The following CDHR2 variants were observed in gnomAD, a reference collection of about 807,000 sequenced individuals.
CDHR2 encodes the protein cadherin related family member 2.
CDHR2 carries 104 observed loss-of-function variants against 138.6 expected under a neutral mutation model. That is an observed-to-expected ratio of 0.75 (90% confidence interval 0.64 to 0.88). CDHR2 has a LOEUF of 0.88. Ranked by LOEUF, CDHR2 falls within the 40% of genes least tolerant of loss-of-function variation. The probability of loss-of-function intolerance (pLI) is 0.00; values close to 1 mark genes in which losing one functional copy is unlikely to be tolerated. For synonymous variants in CDHR2, 755 were observed against 742.8 expected (o/e 1.02, Z -0.27); for missense variants, 1,624 against 1,727.6 (o/e 0.94, Z 1.06).
chr5:176,555,918 C>A (rs1300003704), intron 1 of CDHR2, among the ~76,000 whole-genome samples: 3 of 149,666 alleles, frequency 2.0e-5, no homozygotes, highest in African/African-American at 7.7e-5. Context: ...ACAAAAAAAA[C>A]CCCCTCTGAA....
chr5:176,592,872 A>T, intron 31 of CDHR2, 92 bp downstream of exon 31: 1 of 1,122,384 alleles, frequency 8.9e-7, no homozygotes, highest in South Asian at 1.2e-5. Flanking sequence ...TGCTACTGAC[A>T]TGGGCAGTTC....
intron 13 of CDHR2, 25 bp downstream of exon 13, chr5:176,577,579 G>A: frequency 1.9e-6 from 3 of 1,613,712 alleles, no homozygotes; most frequent in Non-Finnish European, 2.5e-6. Context: ...GGGGTGCCAG[G>A]GGCAGAAGCC....
Position 176,584,532 on chromosome 5 carries a change from G to A in CDHR2, c.2251G>A (p.Ala751Thr), listed in dbSNP as rs374494341. 6.2e-7 allele frequency: 1 copy of A among 1,613,268 alleles called. No homozygotes were observed. The highest frequency in any genetic ancestry group is 1.3e-5 in the African/African-American group (1 of 74,920). The stretch of plus-strand genomic sequence containing the variant: ...CATGATCCGAGGCTTGGTGCTGGGG[G>A]CTGGGTGGGCTGAGGGCTACCTCCG... ...YFMIRGLVLG[A>T]GWAEGYLRLP... The change falls in exon 19 of 32, where the codon GCT (alanine) becomes ACT (threonine). Residue 751 changes from alanine (A) to threonine (T), a missense_variant. Ala to Thr is a moderately conservative substitution (Grantham distance 58). Transcript: ENST00000261944.
At position 176,577,655 on chromosome 5, in the gene CDHR2, G is replaced by A. The variant is rs73345161; in HGVS notation, c.1369G>A (p.Val457Ile). ...CCCCCAGGTTGTGGCCACAGACTCCGTCAGCCAGAACTTCTCCGTCGCCAT... is the reference window on the plus strand; with the variant it reads ...CCCCCAGGTTGTGGCCACAGACTCCATCAGCCAGAACTTCTCCGTCGCCAT... Reference protein sequence around the residue: ...MAVQVVATDSVSQNFSVAMVT... With the variant: ...MAVQVVATDSISQNFSVAMVT... Residue 457 changes from valine (V) to isoleucine (I), a missense_variant, in exon 14 of 32, where the codon GTC becomes ATC. Val to Ile is a conservative substitution (Grantham distance 29, BLOSUM62 3). Around this residue, in one of 3 missense-constraint regions of CDHR2, gnomAD observed 1,061 missense variants for 1,136.6 expected, o/e 0.93. Coordinates refer to ENST00000261944, the MANE Select transcript of CDHR2 (RefSeq NM_017675.6). 2.6e-3 allele frequency: 4,146 copies of A among 1,614,168 alleles called. 68 individuals carry two copies. In the African/African-American group the frequency reaches 0.045, roughly 17 times the overall value.
Position 176,574,179 on chromosome 5 carries a change from G to A in CDHR2, c.495+7G>A, listed in dbSNP as rs762289094. 1.2e-6 allele frequency: 2 copies of A among 1,609,186 alleles called. No individual in the cohort carries two copies. Among genetic ancestry groups the A allele is most frequent in the Non-Finnish European group, 1.7e-6 (2 of 1,175,576 alleles). On this transcript the variant is annotated splice_region_variant and intron_variant, in intron 7 of 31. Coordinates refer to ENST00000261944, the MANE Select transcript of CDHR2 (RefSeq NM_017675.6). ...CGTGTACTCCATAGAGAAGGTGAGT[G>A]TGAAGGGGGCCCTGACCGCCTTTGT... is the stretch of plus-strand genomic sequence containing the variant.
Position 176,576,093 on chromosome 5 carries a change from G to A in CDHR2, c.1102G>A (p.Ala368Thr). Residue 368 changes from alanine to threonine, a missense_variant, in exon 12 of 32, where the codon GCC (alanine) becomes ACC (threonine). Around this residue, in one of 3 missense-constraint regions of CDHR2, gnomAD observed 1,061 missense variants for 1,136.6 expected, o/e 0.93. Coordinates refer to ENST00000261944, the MANE Select transcript of CDHR2 (RefSeq NM_017675.6). The surrounding 1 kb of genome is among the most constrained non-coding windows in gnomAD (Gnocchi z 4.5). ...AGCCTGCACCTTCACCCCCGAAGAG[G>A]CCCAAGTGAACTTCACTGGCTACGT... is the stretch of plus-strand genomic sequence containing the variant. Reference protein sequence around the residue: ...LPACTFTPEEAQVNFTGYVDE... With the variant: ...LPACTFTPEETQVNFTGYVDE... 4.3e-6 allele frequency: 7 copies of A among 1,614,120 alleles called. No individual in the cohort carries two copies. The highest frequency in any genetic ancestry group is 5.9e-6 in the Non-Finnish European group (7 of 1,180,026).
In CDHR2 at chr5:176,575,486, C is replaced by T. The variant is rs1758351592; in HGVS notation, c.769-20C>T. On this transcript the variant is annotated intron_variant, in intron 9 of 31. Transcript: ENST00000261944. The stretch of plus-strand genomic sequence containing the variant: ...GGGAGGCGGGGAAGTTTGAGGAGCA[C>T]TGACCAGGCCCCATTCCAGGGAACC... 2 of 1,614,008 alleles carry T rather than the reference C, an allele frequency of 1.2e-6. No homozygotes were observed. The highest frequency in any genetic ancestry group is 2.7e-5 in the African/African-American group (2 of 74,916).
In CDHR2 at chr5:176,574,189, C is replaced by A. The variant is rs762521021; in HGVS notation, c.495+17C>A. The A allele has an allele frequency of 2.5e-6, 4 of 1,583,416 alleles. No homozygotes were observed. The highest frequency in any genetic ancestry group is 3.5e-6 in the Non-Finnish European group (4 of 1,152,428). On this transcript the variant is annotated intron_variant, in intron 7 of 31. Coordinates refer to ENST00000261944, the MANE Select transcript of CDHR2 (RefSeq NM_017675.6). Reference sequence around the variant, plus strand: ...ATAGAGAAGGTGAGTGTGAAGGGGGCCCTGACCGCCTTTGTGACCGCCAGG... The same window carrying A: ...ATAGAGAAGGTGAGTGTGAAGGGGGACCTGACCGCCTTTGTGACCGCCAGG...
chr5:176,544,986 C>T (rs1277644469), upstream of CDHR2, among the ~76,000 whole-genome samples: 1 of 152,190 alleles, frequency 6.6e-6, no homozygotes, highest in African/African-American at 2.4e-5. Flanking sequence ...GAAATGGCGG[C>T]TCAGAGGGAA....
In CDHR2 at chr5:176,565,691, G is replaced by A. The variant is rs200975028; in HGVS notation, c.72G>A (p.Pro24=). The change falls in exon 3 of 32, where the codon CCG becomes CCA. Residue 24 remains proline (P), a synonymous_variant. Coordinates refer to ENST00000261944, the MANE Select transcript of CDHR2 (RefSeq NM_017675.6). ...LVVSVAANVA[P]KFLANMTSVI... is the part of the protein sequence containing the mutation. ...CTACAGTGGCAGCCAACGTGGCCCC[G>A]AAGTTCCTAGCCAACATGACGTCAG... The A allele has an allele frequency of 1.5e-5, 24 of 1,613,906 alleles. No individual in the cohort carries two copies. In the East Asian group the frequency reaches 1.6e-4, roughly 10 times the overall value.
chr5:176,574,782 C>T (rs116821733), intron 7 of CDHR2, among the ~76,000 whole-genome samples: 7 of 152,320 alleles, frequency 4.6e-5, no homozygotes, highest in South Asian at 2.1e-4. Context: ...TCAGTACAGA[C>T]GCAACCATTG....
At chr5:176,560,891 G>A (rs1757950206) in intron 1 of CDHR2, among the ~76,000 whole-genome samples, 1 of 152,234 alleles carries the variant, frequency 6.6e-6, no homozygotes, top group Non-Finnish European at 1.5e-5. Flanking sequence ...TGAATTAAAA[G>A]AGGGAATGCT....
chr5:176,571,372 A>G, intron 6 of CDHR2, 70 bp downstream of exon 6: 1 of 1,139,428 alleles, frequency 8.8e-7, no homozygotes, highest in Non-Finnish European at 1.2e-6. Context: ...AGGAAGAGCC[A>G]GAGACAGTCA....
upstream of CDHR2, among the ~76,000 whole-genome samples, chr5:176,546,299 C>G (rs931320805): frequency 2.0e-5 from 3 of 152,218 alleles, no homozygotes; most frequent in East Asian, 5.8e-4. Context: ...TGTCTAAGGT[C>G]TATTTTCCCA....
At chr5:176,579,144 C>T (rs370281923) in intron 16 of CDHR2, among the ~76,000 whole-genome samples, 4 of 152,158 alleles carry the variant, frequency 2.6e-5, no homozygotes, top group Non-Finnish European at 4.4e-5. Flanking sequence ...AGAGAAACAC[C>T]GGGGAGTAGC....
intron 31 of CDHR2, among the ~76,000 whole-genome samples, chr5:176,595,072 T>C (rs1758988836): frequency 6.6e-6 from 1 of 152,126 alleles, no homozygotes; most frequent in Admixed American, 6.5e-5. Flanking sequence ...CCAGTAGACC[T>C]CTCTAAGCCT....
At chr5:176,577,360 C>T (rs1001370744) in intron 12 of CDHR2, 39 bp from the exon 13 acceptor site, 21 of 1,579,938 alleles carry the variant, frequency 1.3e-5, no homozygotes, top group South Asian at 3.5e-5. Context: ...GTGGGCAGAG[C>T]AGGGGGACAG....
intron 1 of CDHR2, among the ~76,000 whole-genome samples, chr5:176,561,471 C>A (rs989491096): frequency 1.3e-5 from 2 of 152,104 alleles, no homozygotes; most frequent in Admixed American, 6.6e-5. Context: ...ACCTTGCCCT[C>A]ACATCTCTTC....
At chr5:176,595,111 T>C (rs1758989553) in intron 31 of CDHR2, among the ~76,000 whole-genome samples, 1 of 152,186 alleles carries the variant, frequency 6.6e-6, no homozygotes, top group South Asian at 2.1e-4. Context: ...AGAGAGGACA[T>C]GTTCCCTCCC....
Sources: gnomAD v4.1 joint callset for allele counts (sites outside exome capture counted in the v4.1 genomes callset) on GRCh38, gnomAD v4.1.1 for gene constraint, gnomAD v4.1.1 regional missense constraint, Gnocchi (gnomAD v3.1) non-coding constraint, MANE v1.5 for transcripts, NCBI Gene and HGNC (gene_info 2026-07-23, HGNC 2026-07-21) for gene names.